Variants in VEPH1 observed in about 807,000 individuals in gnomAD.
VEPH1 encodes ventricular zone expressed PH domain containing 1.
A neutral mutation model predicts 85.2 loss-of-function variants in VEPH1; 80 were observed. That is an observed-to-expected ratio of 0.94 (90% CI 0.78 to 1.13). VEPH1 has a LOEUF of 1.13. VEPH1 is among the 50% of genes most tolerant of loss of function. VEPH1 has a pLI of 0.00. For missense variants in VEPH1, 955 were observed against 980.5 expected, an observed-to-expected ratio of 0.97 and a Z score of 0.35; for synonymous variants, 297 against 348.0, an observed-to-expected ratio of 0.85 and a Z score of 1.63.
Position 157,495,344 on chromosome 3 carries a change from A to T in VEPH1, c.6T>A (p.His2Gln), listed in dbSNP as rs758377969. 5.0e-6 allele frequency: 8 copies of T among 1,613,764 alleles called. No homozygotes were observed. In the African/African-American group the frequency reaches 1.1e-4, roughly 22 times the overall value. ...GTCCCAAAACCAGTCTGAACAGTTGATGCATGGTGAGGATGAGTTTGATCA... is the reference window on the plus strand; with the variant it reads ...GTCCCAAAACCAGTCTGAACAGTTGTTGCATGGTGAGGATGAGTTTGATCA... M[H>Q]QLFRLVLGQK... Residue 2 changes from histidine to glutamine, a missense_variant, in exon 2 of 14, where the codon CAT becomes CAA. Coordinates refer to ENST00000362010, the MANE Select transcript of VEPH1 (RefSeq NM_001167912.2).
intron 5 of VEPH1, 125 bp downstream of exon 5, chr3:157,428,196 GC>G (rs1269041527): frequency 1.0e-6 from 1 of 957,646 alleles, no homozygotes; most frequent in East Asian, 2.6e-5. Flanking sequence ...GTAGATGAGC[GC>G]TTTCACTTAA....
At chr3:157,415,739 GA>G (rs1262054371) in intron 5 of VEPH1, among the ~76,000 whole-genome samples, 1 of 152,014 alleles carries the variant, frequency 6.6e-6, no homozygotes, top group Non-Finnish European at 1.5e-5. Flanking sequence ...CAATTATGAT[GA>G]ATTTTTTTTA....
intron 9 of VEPH1, 139 bp downstream of exon 9, chr3:157,363,225 T>G: frequency 4.4e-6 from 3 of 677,808 alleles, no homozygotes; most frequent in Non-Finnish European, 6.7e-6. Flanking sequence ...AAAACTAACA[T>G]AATGTAAGGT....
rs1014594086 is a variant in VEPH1, at chr3:157,304,435, T to C, written c.2010+9186A>G. 5.8e-4 allele frequency among the ~76,000 whole-genome samples: 89 copies of C among 152,330 alleles called. 1 individual carries two copies. The highest frequency in any genetic ancestry group is 2.0e-3 in the African/African-American group (83 of 41,584). ...CTTTGGTAACTGGAACACGTGTTAA[T>C]AAAGGCCTTTTCTTTCTGAAATTCT... is the stretch of plus-strand genomic sequence containing the variant. On this transcript the variant is annotated intron_variant, in intron 11 of 13. Coordinates refer to ENST00000362010, the MANE Select transcript of VEPH1 (RefSeq NM_001167912.2).
chr3:157,268,742 A>G (rs1214285682), intron 12 of VEPH1, among the ~76,000 whole-genome samples: 2 of 152,024 alleles, frequency 1.3e-5, no homozygotes, highest in Non-Finnish European at 2.9e-5. Flanking sequence ...ACTTGACTTT[A>G]CAGTTTTTTT....
intron 9 of VEPH1, among the ~76,000 whole-genome samples, chr3:157,352,831 T>G (rs1725009271): frequency 6.6e-6 from 1 of 152,180 alleles, no homozygotes. Context: ...TCAAGTTTCT[T>G]TAAGCTGTGG....
intron 9 of VEPH1, among the ~76,000 whole-genome samples, chr3:157,351,015 G>A (rs1577410842): frequency 6.6e-6 from 1 of 152,272 alleles, no homozygotes. Flanking sequence ...TCCCACTACT[G>A]GGCATTTATC....
intron 9 of VEPH1, among the ~76,000 whole-genome samples, chr3:157,339,610 A>C (rs1723311724): frequency 6.6e-6 from 1 of 152,116 alleles, no homozygotes; most frequent in Non-Finnish European, 1.5e-5. Flanking sequence ...CGTGTCTCTA[A>C]ATCCTCATCT....
chr3:157,314,559 A>G (rs1720535081), intron 10 of VEPH1, among the ~76,000 whole-genome samples: 1 of 152,002 alleles, frequency 6.6e-6, no homozygotes, highest in Non-Finnish European at 1.5e-5. Context: ...ATAAATATTC[A>G]TATTTATTTT....
chr3:157,345,722 C>T (rs532307371), intron 9 of VEPH1, among the ~76,000 whole-genome samples: 13 of 152,314 alleles, frequency 8.5e-5, no homozygotes, highest in African/African-American at 3.1e-4. Context: ...TATAAAGACA[C>T]ATGCACACGT....
intron 11 of VEPH1, among the ~76,000 whole-genome samples, chr3:157,304,677 A>C (rs373485800): frequency 2.0e-5 from 3 of 152,200 alleles, no homozygotes; most frequent in Admixed American, 6.5e-5. Flanking sequence ...GAAATTAATT[A>C]TCTTAGAATC....
At chr3:157,424,303 G>C (rs552009375) in intron 5 of VEPH1, among the ~76,000 whole-genome samples, 35 of 152,218 alleles carry the variant, frequency 2.3e-4, no homozygotes, top group South Asian at 6.2e-4. Flanking sequence ...ACTGTAAGTC[G>C]AATTAAACCT....
At chr3:157,354,257 T>TAA (rs139120066) in intron 9 of VEPH1, among the ~76,000 whole-genome samples, 7 of 149,172 alleles carry the variant, frequency 4.7e-5, no homozygotes, top group Admixed American at 6.6e-5. Flanking sequence ...GTTTATTAAT[T>TAA]AAAAAAAAAA....
intron 9 of VEPH1, among the ~76,000 whole-genome samples, chr3:157,324,295 T>G (rs1721658175): frequency 6.6e-6 from 1 of 152,080 alleles, no homozygotes; most frequent in African/African-American, 2.4e-5. Context: ...TGACCTCAGG[T>G]GATCCGCCCA....
intron 4 of VEPH1, chr3:157,437,535 G>C (rs1560060710): frequency 2.5e-6 from 4 of 1,605,934 alleles, no homozygotes; most frequent in Non-Finnish European, 3.4e-6. Flanking sequence ...CCTGCGGTCA[G>C]GAGCACTCGG....
At chr3:157,365,858 G>A (rs1285011668) in intron 7 of VEPH1, among the ~76,000 whole-genome samples, 1 of 152,124 alleles carries the variant, frequency 6.6e-6, no homozygotes, top group African/African-American at 2.4e-5. Flanking sequence ...GAAGTTCTTG[G>A]AATTTTAGGG....
chr3:157,468,152 G>C (rs1209533235), intron 3 of VEPH1, among the ~76,000 whole-genome samples: 1 of 152,144 alleles, frequency 6.6e-6, no homozygotes, highest in Non-Finnish European at 1.5e-5. Flanking sequence ...AGCCTATCTA[G>C]TGAAATTCCT....
chr3:157,491,338 G>A (rs1739195240), intron 2 of VEPH1, among the ~76,000 whole-genome samples: 1 of 152,146 alleles, frequency 6.6e-6, no homozygotes, highest in Non-Finnish European at 1.5e-5. Flanking sequence ...AAGTGGATGA[G>A]TGGATGAGAC....
chr3:157,263,729 T>A (rs574645698), intron 13 of VEPH1, among the ~76,000 whole-genome samples: 1 of 152,206 alleles, frequency 6.6e-6, no homozygotes, highest in Non-Finnish European at 1.5e-5. Context: ...ATATTCTTTT[T>A]CATTCAAAAA....
Sources: allele counts gnomAD v4.1 joint callset (sites outside exome capture counted in the v4.1 genomes callset), GRCh38; gene constraint gnomAD v4.1.1; transcripts MANE v1.5; gene names NCBI Gene and HGNC (gene_info 2026-07-23, HGNC 2026-07-21).